Variants in ATL2 observed in about 807,000 individuals in gnomAD.
ATL2 encodes the protein atlastin-2.
ATL2 carries 31 observed loss-of-function variants against 73.9 expected under a neutral mutation model. That is an observed-to-expected ratio of 0.42 (90% confidence interval 0.32 to 0.57). The LOEUF (loss-of-function observed/expected upper bound fraction) is 0.57. Ranked by LOEUF, ATL2 falls within the 20% of genes least tolerant of loss-of-function variation. The probability of loss-of-function intolerance (pLI) is 0.14; values close to 1 mark genes in which losing one functional copy is unlikely to be tolerated. For synonymous variants in ATL2, 291 were observed against 237.5 expected (o/e 1.23, Z -2.07); for missense variants, 738 against 702.6 (o/e 1.05, Z -0.57).
chr2:38,342,181 T>C (rs1210998935), intron 2 of ATL2, among the ~76,000 whole-genome samples: 1 of 152,120 alleles, frequency 6.6e-6, no homozygotes, highest in East Asian at 1.9e-4. Context: ...AGCAATTGTC[T>C]GGTACCATCT....
chr2:38,370,650 C>T (rs574853022), intron 1 of ATL2, among the ~76,000 whole-genome samples: 1 of 152,038 alleles, frequency 6.6e-6, no homozygotes, highest in Non-Finnish European at 1.5e-5. Flanking sequence ...GCCTGTAGTC[C>T]CAGCTACTTG....
intron 2 of ATL2, among the ~76,000 whole-genome samples, chr2:38,323,529 GAATA>G (rs1353176967): frequency 2.0e-5 from 3 of 151,348 alleles, no homozygotes; most frequent in South Asian, 4.2e-4. Flanking sequence ...ATCAAATAGT[GAATA>G]AATACAGCCC....
At chr2:38,309,560 C>T in intron 8 of ATL2, 54 bp from the exon 9 acceptor site, 2 of 1,533,026 alleles carry the variant, frequency 1.3e-6, no homozygotes, top group East Asian at 2.3e-5. Flanking sequence ...TAGGTCCCCA[C>T]TGGTACGATT....
Position 38,297,317 on chromosome 2 carries a change from C to A in ATL2, c.1632+827G>T, listed in dbSNP as rs191586982. Among the ~76,000 whole-genome samples the A allele has an allele frequency of 6.6e-5, 10 of 152,250 alleles. No homozygotes were observed. In the East Asian group the frequency reaches 1.9e-3, roughly 29 times the overall value. On this transcript the variant is annotated intron_variant, in intron 12 of 12. Transcript: ENST00000378954. ...AAAATAAGCTCAATATTTCATGAGC[C>A]CAAAAATGGCATCTCAAATGCCTAT...
chr2:38,314,614 T>C lies in ATL2; in HGVS notation c.705A>G (p.Pro235=). 1 of 1,598,518 alleles carries C rather than the reference T, an allele frequency of 6.3e-7. No individual in the cohort carries two copies. The highest frequency in any genetic ancestry group is 8.6e-7 in the Non-Finnish European group (1 of 1,166,408). The change falls in exon 6 of 13, where the codon CCA becomes CCG. Residue 235 remains proline, a synonymous_variant. Coordinates refer to ENST00000378954, the MANE Select transcript of ATL2 (RefSeq NM_001135673.4). ...RLAMEEIYQK[P]FQTLMFLIRD... is the part of the protein sequence containing the mutation. ...GTTAGAATAACTTTTTTACCTGAAA[T>C]GGTTTCTGGTAGATTTCTTCCATCG...
chr2:38,305,866 A>C (rs1332919730), intron 9 of ATL2, among the ~76,000 whole-genome samples: 1 of 152,148 alleles, frequency 6.6e-6, no homozygotes, highest in African/African-American at 2.4e-5. Flanking sequence ...CATACATCTT[A>C]AAAAAACAGA....
chr2:38,351,182 T>G (rs1169199951), intron 1 of ATL2, among the ~76,000 whole-genome samples: 1 of 152,188 alleles, frequency 6.6e-6, no homozygotes, highest in Admixed American at 6.5e-5. Flanking sequence ...AAAAGCTAAG[T>G]AACGTGTTAG....
At chr2:38,313,092 GC>G (rs1266939397) in intron 7 of ATL2, 58 bp downstream of exon 7, 1 of 1,231,336 alleles carries the variant, frequency 8.1e-7, no homozygotes, top group African/African-American at 1.5e-5. Flanking sequence ...AGTCCGGACA[GC>G]CCACCCGTTT....
Position 38,310,432 on chromosome 2 carries a change from G to A in ATL2, c.820C>T (p.His274Tyr). 6.3e-7 allele frequency: 1 copy of A among 1,595,280 alleles called. No homozygotes were observed. The highest frequency in any genetic ancestry group is 8.5e-7 in the Non-Finnish European group (1 of 1,173,088). ...TTCCTTACATTCTGAAGCTCTTCAT[G>A]TTGATTTTGTTTTACCTGAGGGCGG... ...EKRLQVKQNQHEELQNVRKHI... is the reference protein window; with the variant it reads ...EKRLQVKQNQYEELQNVRKHI... The change falls in exon 8 of 13, where the codon CAT (histidine) becomes TAT (tyrosine). Residue 274 changes from histidine to tyrosine, a missense_variant. Coordinates refer to ENST00000378954, the MANE Select transcript of ATL2 (RefSeq NM_001135673.4).
At chr2:38,301,335 T>G (rs1222726951) in intron 9 of ATL2, among the ~76,000 whole-genome samples, 1 of 152,152 alleles carries the variant, frequency 6.6e-6, no homozygotes, top group South Asian at 2.1e-4. Context: ...GATGGCCAAA[T>G]AGAAGCCTCC....
chr2:38,310,360 G>A lies in ATL2; in HGVS notation c.892C>T (p.His298Tyr). 6.2e-7 allele frequency: 1 copy of A among 1,611,128 alleles called. No homozygotes were observed. Among genetic ancestry groups the A allele is most frequent in the Non-Finnish European group, 8.5e-7 (1 of 1,178,876 alleles). ...FSNLGCFLLP[H>Y]PGLKVATNPS... ...TTAGTTGCAACTTTAAGACCAGGAT[G>A]TGGCAAAAGGAAGCAACCAAGATTT... Residue 298 changes from histidine to tyrosine, a missense_variant, in exon 8 of 13, where the codon CAT becomes TAT. Coordinates refer to ENST00000378954, the MANE Select transcript of ATL2 (RefSeq NM_001135673.4).
At chr2:38,319,615 A>G (rs560012412) in intron 2 of ATL2, among the ~76,000 whole-genome samples, 9 of 149,402 alleles carry the variant, frequency 6.0e-5, no homozygotes, top group South Asian at 2.1e-4. Context: ...AAAAAAAAAA[A>G]AGAGAGAGAG....
chr2:38,376,711 G>A (rs914354434), intron 1 of ATL2: 1 of 152,264 alleles, frequency 6.6e-6, no homozygotes, highest in Non-Finnish European at 1.5e-5. Context: ...GTAAGGGACA[G>A]CGAACGCCCA....
intron 1 of ATL2, among the ~76,000 whole-genome samples, chr2:38,349,350 A>T (rs1469882496): frequency 2.0e-5 from 3 of 151,788 alleles, no homozygotes. Context: ...GCCATAAAAA[A>T]TGATGAGTTC....
chr2:38,313,097 C>T, intron 7 of ATL2, 54 bp downstream of exon 7: 2 of 1,309,982 alleles, frequency 1.5e-6, no homozygotes, highest in Middle Eastern at 1.9e-4. Flanking sequence ...GGACAGCCCA[C>T]CCGTTTGCCT....
chr2:38,365,255 C>A (rs1671256351), intron 1 of ATL2, among the ~76,000 whole-genome samples: 2 of 151,766 alleles, frequency 1.3e-5, no homozygotes, highest in Admixed American at 1.3e-4. Flanking sequence ...AATAGGGCTA[C>A]TATGACAAAT....
chr2:38,319,889 C>A (rs1668225745), intron 2 of ATL2, among the ~76,000 whole-genome samples: 1 of 152,100 alleles, frequency 6.6e-6, no homozygotes, highest in Non-Finnish European at 1.5e-5. Context: ...AGGTGGCTCA[C>A]CTGAGGTCAG....
chr2:38,301,786 G>C (rs1182372507), intron 9 of ATL2, among the ~76,000 whole-genome samples: 1 of 152,178 alleles, frequency 6.6e-6, no homozygotes, highest in Non-Finnish European at 1.5e-5. Flanking sequence ...GCAGGTCCTG[G>C]TGCTGGGCTG....
chr2:38,328,576 A>C (rs1668800107), intron 2 of ATL2, among the ~76,000 whole-genome samples: 1 of 152,200 alleles, frequency 6.6e-6, no homozygotes, highest in Non-Finnish European at 1.5e-5. Context: ...CTCACCTCAA[A>C]ATGACACAGG....
Sources: gnomAD v4.1 joint callset for allele counts (sites outside exome capture counted in the v4.1 genomes callset) on GRCh38, gnomAD v4.1.1 for gene constraint, MANE v1.5 for transcripts, NCBI Gene and HGNC (gene_info 2026-07-23, HGNC 2026-07-21) for gene names.